The following MAP1B variants were observed in gnomAD, a reference collection of about 807,000 sequenced individuals.
MAP1B encodes microtubule associated protein 1B, also known as microtubule-associated protein 1B.
Under a neutral mutation model 176.1 loss-of-function variants are expected in MAP1B, and 12 were observed. That is an observed-to-expected ratio of 0.07 (90% CI 0.04 to 0.11). The LOEUF (loss-of-function observed/expected upper bound fraction) is 0.11. Ranked by LOEUF, MAP1B falls within the 10% of genes least tolerant of loss-of-function variation. The probability of loss-of-function intolerance (pLI) is 1.00; values close to 1 mark genes in which losing one functional copy is unlikely to be tolerated. For missense variants in MAP1B, 2,523 were observed against 2,990.5 expected (o/e 0.84, Z 3.65); for synonymous variants, 1,044 against 1,135.0 (o/e 0.92, Z 1.61).
intron 2 of MAP1B, among the ~76,000 whole-genome samples, chr5:72,131,943 C>G (rs1182847180): frequency 6.6e-6 from 1 of 152,198 alleles, no homozygotes; most frequent in Non-Finnish European, 1.5e-5. Context: ...GAAATGTCCA[C>G]TTCTTTTCTA....
At chr5:72,175,930 C>A (rs554972275) in intron 2 of MAP1B, among the ~76,000 whole-genome samples, 50 of 152,284 alleles carry the variant, frequency 3.3e-4, no homozygotes, top group Middle Eastern at 3.4e-3. Context: ...AACTAAAGAA[C>A]ATTATTTGCG....
intron 2 of MAP1B, among the ~76,000 whole-genome samples, chr5:72,149,733 G>A (rs1485220762): frequency 2.6e-5 from 4 of 152,214 alleles, no homozygotes; most frequent in Admixed American, 2.6e-4. Context: ...ATGGGACGGG[G>A]ATGAGGGCAG....
chr5:72,197,481 T>G lies in MAP1B; in HGVS notation c.4126T>G (p.Ser1376Ala), dbSNP rs1362525140. 1.2e-6 allele frequency: 2 copies of G among 1,614,148 alleles called. No individual in the cohort carries two copies. Among genetic ancestry groups the G allele is most frequent in the Non-Finnish European group, 1.7e-6 (2 of 1,180,014 alleles). ...TGCCAAAGATGAGAATGAAAGGGCT[T>G]CAGTAAGCCCCATGGATGAGCCCGT... ...SDAKDENERASVSPMDEPVPD... is the reference protein window; with the variant it reads ...SDAKDENERAAVSPMDEPVPD... The change falls in exon 5 of 7, where the codon TCA becomes GCA. Residue 1376 changes from serine (S) to alanine (A), a missense_variant. Ser to Ala is a moderately conservative substitution (Grantham distance 99). Around this residue, in one of 4 missense-constraint regions of MAP1B, gnomAD observed 1,925 missense variants for 2,126.0 expected, o/e 0.91. Coordinates refer to ENST00000296755, the MANE Select transcript of MAP1B (RefSeq NM_005909.5).
At chr5:72,193,217 C>T (rs919416893) in intron 4 of MAP1B, 19 of 377,550 alleles carry the variant, frequency 5.0e-5, no homozygotes, top group African/African-American at 1.7e-4. Context: ...ATAGGCAATC[C>T]GTAACTTCTT....
chr5:72,205,243 C>T lies in MAP1B; in HGVS notation c.*4C>T. The T allele has an allele frequency of 1.2e-6, 2 of 1,607,190 alleles. No individual in the cohort carries two copies. The highest frequency in any genetic ancestry group is 1.7e-6 in the Non-Finnish European group (2 of 1,177,896). ...TGCATGCAAGATTGAACTGTAAAAA[C>T]CAAGGCCAGCCACACCACAGGATCT... On this transcript the variant is annotated 3_prime_UTR_variant, in exon 7 of 7. Coordinates refer to ENST00000296755, the MANE Select transcript of MAP1B (RefSeq NM_005909.5).
Position 72,194,635 on chromosome 5 carries a change from C to T in MAP1B, c.1280C>T (p.Pro427Leu). 1.2e-6 allele frequency: 2 copies of T among 1,614,074 alleles called. No individual in the cohort carries two copies. The highest frequency in any genetic ancestry group is 1.7e-6 in the Non-Finnish European group (2 of 1,180,024). ...VGKLEMYVLN[P>L]VKSSKEMQYF... is the part of the protein sequence containing the mutation. ...AAACTTGAGATGTATGTGCTTAATC[C>T]AGTCAAGAGCAGCAAGGAAATGCAG... Residue 427 changes from proline (P) to leucine (L), a missense_variant, in exon 5 of 7, where the codon CCA (proline) becomes CTA (leucine). This residue lies in a region of MAP1B where 1,925 missense variants were observed against 2,126.0 expected (regional missense o/e 0.91). Transcript: ENST00000296755. This position sits in a 1 kb window ranked among gnomAD's most constrained non-coding sequence, Gnocchi z 7.2.
In MAP1B at chr5:72,186,653, C is replaced by T; in HGVS notation, c.409C>T (p.Leu137Phe). 6.2e-7 allele frequency: 1 copy of T among 1,614,212 alleles called. No homozygotes were observed. The change falls in exon 4 of 7, where the codon CTC becomes TTC. Residue 137 changes from leucine to phenylalanine, a missense_variant. Physicochemically the swap from Leu to Phe is conservative, Grantham distance 22. Coordinates refer to ENST00000296755, the MANE Select transcript of MAP1B (RefSeq NM_005909.5). The surrounding 1 kb of genome is among the most constrained non-coding windows in gnomAD (Gnocchi z 4.3). ...MITDAARHKLLVLTGQCFENT... is the reference protein window; with the variant it reads ...MITDAARHKLFVLTGQCFENT... ...CACTGATGCTGCCCGACACAAGCTG[C>T]TCGTGCTGACCGGGCAGTGCTTTGA...
intron 2 of MAP1B, among the ~76,000 whole-genome samples, chr5:72,155,766 CTTT>C (rs11330287): frequency 1.6e-5 from 2 of 126,554 alleles, no homozygotes; most frequent in Admixed American, 8.4e-5. Flanking sequence ...ATTTTCTTTT[CTTT>C]TTTTTTTTTT....
chr5:72,188,102 C>A (rs950982240), intron 4 of MAP1B, among the ~76,000 whole-genome samples: 1 of 152,216 alleles, frequency 6.6e-6, no homozygotes, highest in Non-Finnish European at 1.5e-5. Context: ...ATCCATTGCA[C>A]CTGCACATAG....
chr5:72,207,397 TTTAAAAAAA>T lies in MAP1B; in HGVS notation c.*2160_*2168del, dbSNP rs1247683114. 4 of 152,338 alleles carry T rather than the reference TTTAAAAAAA, an allele frequency of 2.6e-5. No homozygotes were observed. Among genetic ancestry groups the T allele is most frequent in the South Asian group, 2.1e-4 (1 of 4,828 alleles). The allele number at this position is 152,338 out of a possible 1,614,324, so 9.4% of individuals were successfully genotyped here. ...TTTGCACTGCTAACTATGATGAGGGTTTAAAAAAATGCTTCTTCAGGGTCCTTTCACTGA... is the reference window on the plus strand; with the variant it reads ...TTTGCACTGCTAACTATGATGAGGGTTGCTTCTTCAGGGTCCTTTCACTGA... On this transcript the variant is annotated 3_prime_UTR_variant, in exon 7 of 7. Transcript: ENST00000296755.
intron 2 of MAP1B, among the ~76,000 whole-genome samples, chr5:72,137,274 A>G (rs1223253967): frequency 1.3e-5 from 2 of 152,210 alleles, no homozygotes; most frequent in Admixed American, 6.5e-5. Flanking sequence ...CCCTATTGCT[A>G]TAGTCAATCA....
At chr5:72,141,401 A>C (rs1745944987) in intron 2 of MAP1B, among the ~76,000 whole-genome samples, 1 of 152,246 alleles carries the variant, frequency 6.6e-6, no homozygotes, top group African/African-American at 2.4e-5. Flanking sequence ...TGCACGTTAG[A>C]AAAGACATGG....
At chr5:72,170,259 A>C (rs1297474932) in intron 2 of MAP1B, among the ~76,000 whole-genome samples, 30 of 152,298 alleles carry the variant, frequency 2.0e-4, no homozygotes. Flanking sequence ...CCGTCAAAGT[A>C]TGATTCTCCA....
At position 72,205,114 on chromosome 5, in the gene MAP1B, G is replaced by T; in HGVS notation, c.7282G>T (p.Val2428Leu). Residue 2428 changes from valine to leucine, a missense_variant, in exon 7 of 7, where the codon GTG becomes TTG. Coordinates refer to ENST00000296755, the MANE Select transcript of MAP1B (RefSeq NM_005909.5). ...ACTGATCCCAACTCATGACTCAGAA[G>T]TGATGAGGGAATGGTACCAGGAGAC... ...VTLIPTHDSEVMREWYQETHE... is the reference protein window; with the variant it reads ...VTLIPTHDSELMREWYQETHE... 6.2e-7 allele frequency: 1 copy of T among 1,613,516 alleles called. No homozygotes were observed. The highest frequency in any genetic ancestry group is 1.1e-5 in the South Asian group (1 of 91,002).
chr5:72,107,580 A>G lies in MAP1B; in HGVS notation c.49A>G (p.Ile17Val), dbSNP rs140797910. ...CACCGAGCCGGAGCCGTCCGGCAGC[A>G]TCGCCAACCCGGCGGCGTCCACCTC... The part of the protein sequence containing the change: ...EATEPEPSGS[I>V]ANPAASTSPS... The change falls in exon 1 of 7, where the codon ATC becomes GTC. Residue 17 changes from isoleucine to valine, a missense_variant. Transcript: ENST00000296755. 1.7e-5 allele frequency: 27 copies of G among 1,591,604 alleles called. No homozygotes were observed. In the African/African-American group the frequency reaches 2.5e-4, roughly 15 times the overall value.
At chr5:72,143,131 G>A (rs1359702382) in intron 2 of MAP1B, among the ~76,000 whole-genome samples, 1 of 152,114 alleles carries the variant, frequency 6.6e-6, no homozygotes, top group Non-Finnish European at 1.5e-5. Context: ...TACCAACTAA[G>A]TGTAGAAACA....
At chr5:72,130,254 A>C (rs1173450974) in intron 2 of MAP1B, among the ~76,000 whole-genome samples, 1 of 152,120 alleles carries the variant, frequency 6.6e-6, no homozygotes, top group African/African-American at 2.4e-5. Context: ...TACATTGTTT[A>C]ATCTTTCCGA....
intron 2 of MAP1B, among the ~76,000 whole-genome samples, chr5:72,162,109 A>T (rs1358495511): frequency 6.6e-6 from 1 of 152,212 alleles, no homozygotes; most frequent in Admixed American, 6.5e-5. Flanking sequence ...CTGCAGACAC[A>T]TCACGCCATG....
In MAP1B at chr5:72,198,769, C is replaced by T. The variant is rs1377108503; in HGVS notation, c.5414C>T (p.Ser1805Phe). 6.2e-7 allele frequency: 1 copy of T among 1,614,204 alleles called. No individual in the cohort carries two copies. Among genetic ancestry groups the T allele is most frequent in the Non-Finnish European group, 8.5e-7 (1 of 1,180,038 alleles). Residue 1805 changes from serine (S) to phenylalanine (F), a missense_variant, in exon 5 of 7, where the codon TCT (serine) becomes TTT (phenylalanine). Transcript: ENST00000296755. ...TCACCTACTTTTTCAGATTCTACCT[C>T]TGCAGTCAAAGAGAAAACAGCAACT... ...LYSPTFSDST[S>F]AVKEKTATCH...
Sources: allele counts gnomAD v4.1 joint callset (sites outside exome capture counted in the v4.1 genomes callset), GRCh38; gene constraint gnomAD v4.1.1; regional missense constraint gnomAD v4.1.1; non-coding constraint Gnocchi (gnomAD v3.1); transcripts MANE v1.5; gene names NCBI Gene and HGNC (gene_info 2026-07-23, HGNC 2026-07-21).